TM9SF4: variants seen among roughly 807,000 people sequenced by gnomAD.
TM9SF4 encodes the protein transmembrane 9 superfamily member 4.
TM9SF4 carries 26 observed loss-of-function variants against 90.4 expected under a neutral mutation model. The ratio of observed to expected loss-of-function variants is 0.29; its 90% CI spans 0.21 to 0.40. The LOEUF (loss-of-function observed/expected upper bound fraction) is 0.40, where lower values mean the gene tolerates loss of function less well. Ranked by LOEUF, TM9SF4 falls within the 10% of genes least tolerant of loss-of-function variation. TM9SF4 has a pLI of 1.00. For missense variants in TM9SF4, 549 were observed against 834.8 expected (o/e 0.66, Z 4.22); for synonymous variants, 293 against 315.4 (o/e 0.93, Z 0.75).
At position 32,112,693 on chromosome 20, in the gene TM9SF4, C is replaced by CAAA. The variant is rs11406793; in HGVS notation, c.15+2952_15+2954dup. Reference sequence around the variant, plus strand: ...TGGGTGACAGAGTGAGACCCTATCTCAAAAAAAAAAAAAAAACAAAAAACA... The same window carrying CAAA: ...TGGGTGACAGAGTGAGACCCTATCTCAAAAAAAAAAAAAAAAAAACAAAAAACA... On this transcript the variant is annotated intron_variant, in intron 1 of 17. Transcript: ENST00000398022. Among the ~76,000 whole-genome samples, 15 of 121,646 alleles carry CAAA rather than the reference C, an allele frequency of 1.2e-4. No individual in the cohort carries two copies. In the South Asian group the frequency reaches 1.9e-3, roughly 15 times the overall value. 79.8% of individuals were successfully genotyped at this position (121,646 alleles called of 152,430 possible). A position where few individuals can be genotyped will look rare whatever the true frequency, so the allele number is the denominator to read the frequency against.
At position 32,141,891 on chromosome 20, in the gene TM9SF4, A is replaced by G. The variant is rs1276792338; in HGVS notation, c.524A>G (p.Asn175Ser). The change falls in exon 5 of 18, where the codon AAC becomes AGC. Residue 175 changes from asparagine (N) to serine (S), a missense_variant. Around this residue, in one of 2 missense-constraint regions of TM9SF4, gnomAD observed 495 missense variants for 711.7 expected, o/e 0.70. Coordinates refer to ENST00000398022, the MANE Select transcript of TM9SF4 (RefSeq NM_014742.4). ...TACCGGCTCGGCTTCACAGATGTCA[A>G]CAAGGTAGAGTGTCTTTGGCGTGCT... Reference protein sequence around the residue: ...HGYRLGFTDVNKIYLHNHLSF... With the variant: ...HGYRLGFTDVSKIYLHNHLSF... The G allele has an allele frequency of 1.2e-6, 2 of 1,614,060 alleles. No individual in the cohort carries two copies. Among genetic ancestry groups the G allele is most frequent in the South Asian group, 1.1e-5 (1 of 91,048 alleles).
Position 32,150,836 on chromosome 20 carries a change from C to T in TM9SF4, c.1206C>T (p.Arg402=). Residue 402 remains arginine, a synonymous_variant, in exon 12 of 18, where the codon CGC becomes CGT. Transcript: ENST00000398022. ...FGGFSAGRLY[R]TLKGHRWKKG... ...GATTTTCTGCTGGCCGTCTGTACCG[C>T]ACTTTAAAAGGCCATCGGTGGAAGA... is the stretch of plus-strand genomic sequence containing the variant. 1 of 1,614,220 alleles carries T rather than the reference C, an allele frequency of 6.2e-7. No homozygotes were observed. The highest frequency in any genetic ancestry group is 1.1e-5 in the South Asian group (1 of 91,082).
At chr20:32,112,653 C>T (rs1343085172) in intron 1 of TM9SF4, among the ~76,000 whole-genome samples, 1 of 147,208 alleles carries the variant, frequency 6.8e-6, no homozygotes, top group Non-Finnish European at 1.5e-5. Context: ...AAGATCGTGT[C>T]ACTGCACTGC....
At chr20:32,113,766 C>G (rs2046182251) in intron 1 of TM9SF4, among the ~76,000 whole-genome samples, 1 of 152,108 alleles carries the variant, frequency 6.6e-6, no homozygotes, top group Non-Finnish European at 1.5e-5. Flanking sequence ...TGGTTATCAC[C>G]ATTGTGTAAT....
At chr20:32,158,655 T>C in intron 15 of TM9SF4, 141 bp downstream of exon 15, 1 of 841,330 alleles carries the variant, frequency 1.2e-6, no homozygotes, top group South Asian at 1.6e-5. Flanking sequence ...CACCCTGAAA[T>C]TGGACAACAG....
Position 32,149,708 on chromosome 20 carries a change from C to T in TM9SF4, c.1029C>T (p.Ile343=), listed in dbSNP as rs761670851. 9 of 1,614,222 alleles carry T rather than the reference C, an allele frequency of 5.6e-6. No individual in the cohort carries two copies. The highest frequency in any genetic ancestry group is 1.1e-5 in the South Asian group (1 of 91,080). ...DVFRPPQYPM[I]LSSLLGSGIQ... The stretch of plus-strand genomic sequence containing the variant: ...TCAGGCCCCCCCAGTACCCCATGAT[C>T]CTCAGCTCCCTGCTGGGCTCAGGCA... The change falls in exon 10 of 18, where the codon ATC becomes ATT. Residue 343 remains isoleucine, a synonymous_variant. Transcript: ENST00000398022.
chr20:32,116,712 A>G (rs1368807243), intron 1 of TM9SF4: 1 of 151,824 alleles, frequency 6.6e-6, no homozygotes, highest in Admixed American at 6.6e-5. Context: ...CCTGCTTGGT[A>G]AGTTGTCTCT....
At chr20:32,155,037 G>T in intron 12 of TM9SF4, 66 bp from the exon 13 acceptor site, 3 of 1,319,686 alleles carry the variant, frequency 2.3e-6, no homozygotes, top group South Asian at 2.3e-5. Flanking sequence ...TGGTCTGGGG[G>T]CCCCACCGGG....
At chr20:32,121,783 G>A (rs1451989327) in intron 1 of TM9SF4, among the ~76,000 whole-genome samples, 3 of 151,154 alleles carry the variant, frequency 2.0e-5, no homozygotes, top group Non-Finnish European at 4.4e-5. Flanking sequence ...GGGCGGCCGG[G>A]CAGAGGCGCC....
intron 1 of TM9SF4, chr20:32,110,119 T>C: frequency 9.2e-7 from 1 of 1,091,798 alleles, no homozygotes; most frequent in Non-Finnish European, 1.1e-6. Context: ...TCCTTGCTCC[T>C]CCCCGTCACG....
At chr20:32,128,999 ATTAT>A (rs1176573463) in intron 1 of TM9SF4, among the ~76,000 whole-genome samples, 1 of 152,102 alleles carries the variant, frequency 6.6e-6, no homozygotes, top group East Asian at 1.9e-4. Context: ...TGCCTCATTT[ATTAT>A]TTAAGTGGCA....
At chr20:32,155,865 A>T (rs1168144123) in intron 13 of TM9SF4, among the ~76,000 whole-genome samples, 1 of 152,106 alleles carries the variant, frequency 6.6e-6, no homozygotes, top group East Asian at 1.9e-4. Flanking sequence ...CTTACAGAGG[A>T]GGGGTTTCTT....
chr20:32,138,549 T>C (rs900155703), intron 3 of TM9SF4, among the ~76,000 whole-genome samples: 1 of 152,192 alleles, frequency 6.6e-6, no homozygotes, highest in Non-Finnish European at 1.5e-5. Context: ...CCCAGCTACT[T>C]GGGAGGCTAA....
chr20:32,150,566 C>G (rs1211973647), intron 10 of TM9SF4, 56 bp from the exon 11 acceptor site: 1 of 1,606,972 alleles, frequency 6.2e-7, no homozygotes, highest in African/African-American at 1.3e-5. Context: ...GGGCTAGAGG[C>G]CTGGTGATCA....
chr20:32,165,341 C>G lies in TM9SF4; in HGVS notation c.1826C>G (p.Thr609Arg). 1 of 1,614,200 alleles carries G rather than the reference C, an allele frequency of 6.2e-7. No homozygotes were observed. Among genetic ancestry groups the G allele is most frequent in the Non-Finnish European group, 8.5e-7 (1 of 1,180,034 alleles). Residue 609 changes from threonine to arginine, a missense_variant, in exon 18 of 18, where the codon ACG becomes AGG. Coordinates refer to ENST00000398022, the MANE Select transcript of TM9SF4 (RefSeq NM_014742.4). Reference protein sequence around the residue: ...FIPSLLYFGYTALMVLSFWLL... With the variant: ...FIPSLLYFGYRALMVLSFWLL... ...CCCTCTCTCCTCTACTTTGGCTACA[C>G]GGCCCTCATGGTCTTGTCCTTCTGG... is the stretch of plus-strand genomic sequence containing the variant.
At position 32,121,843 on chromosome 20, in the gene TM9SF4, ACCTC is replaced by A. The variant is rs1212115410; in HGVS notation, c.16-11163_16-11160del. ...GGCCGGGCGGGGGGCTGAACCCCCCACCTCCCTCCCGGACGGGGCGGCTGGCCGG... is the reference window on the plus strand; with the variant it reads ...GGCCGGGCGGGGGGCTGAACCCCCCACCTCCCGGACGGGGCGGCTGGCCGG... On this transcript the variant is annotated intron_variant, in intron 1 of 17. Transcript: ENST00000398022. 1.3e-4 allele frequency among the ~76,000 whole-genome samples: 15 copies of A among 116,446 alleles called. No individual in the cohort carries two copies. The South Asian group carries it at 2.6e-3, about 20-fold the overall frequency. 76.4% of individuals were successfully genotyped at this position (116,446 alleles called of 152,430 possible). A position where few individuals can be genotyped will look rare whatever the true frequency, so the allele number is the denominator to read the frequency against.
intron 1 of TM9SF4, among the ~76,000 whole-genome samples, chr20:32,123,866 A>ATATATATTTTTTTTTTTTTTTTT: frequency 2.1e-5 from 2 of 93,962 alleles, no homozygotes; most frequent in African/African-American, 4.5e-5. Context: ...ATATATATAT[A>ATATATATTTTTTTTTTTTTTTTT]TTTTTTTTTT....
chr20:32,147,620 A>C (rs1166179414), intron 9 of TM9SF4, among the ~76,000 whole-genome samples: 1 of 152,226 alleles, frequency 6.6e-6, no homozygotes, highest in Admixed American at 6.5e-5. Flanking sequence ...TGGGAGGCCA[A>C]GGCAGGTGGA....
chr20:32,115,436 A>G (rs1276394692), intron 1 of TM9SF4, among the ~76,000 whole-genome samples: 2 of 152,328 alleles, frequency 1.3e-5, no homozygotes, highest in East Asian at 1.9e-4. Flanking sequence ...AGGAGCCACT[A>G]CCACCTTCAA....
Sources: allele counts gnomAD v4.1 joint callset (sites outside exome capture counted in the v4.1 genomes callset), GRCh38; gene constraint gnomAD v4.1.1; regional missense constraint gnomAD v4.1.1; transcripts MANE v1.5; gene names NCBI Gene and HGNC (gene_info 2026-07-23, HGNC 2026-07-21).